Variants in SLC25A42 observed in about 807,000 individuals in gnomAD.
SLC25A42 encodes the protein mitochondrial coenzyme A transporter SLC25A42.
In SLC25A42, 19 loss-of-function variants were observed where a neutral mutation model predicts 34.7. That is an observed-to-expected ratio of 0.55 (90% CI 0.38 to 0.80). The LOEUF (loss-of-function observed/expected upper bound fraction) is 0.80. Among genes scored for constraint, SLC25A42 ranks in the 30% least tolerant of loss-of-function variants. The pLI is 0.00. For synonymous variants in SLC25A42, 205 were observed against 191.2 expected (o/e 1.07, Z -0.59); for missense variants, 364 against 441.3 (o/e 0.82, Z 1.57).
rs139435874 is a variant in SLC25A42, at chr19:19,090,647, AAACAACAACAAC to A, written c.-34-5426_-34-5415del. On this transcript the variant is annotated intron_variant, in intron 1 of 7. Coordinates refer to ENST00000318596, the MANE Select transcript of SLC25A42 (RefSeq NM_178526.5). Reference sequence around the variant, plus strand: ...CCAGCCTGGGTGAGACCCCGTCTCAAAACAACAACAACAACAACAACAACAACAAAAAGCTTC... The same window carrying A: ...CCAGCCTGGGTGAGACCCCGTCTCAAAACAACAACAACAACAAAAAGCTTC... Among the ~76,000 whole-genome samples, 472 of 151,846 alleles carry A rather than the reference AAACAACAACAAC, an allele frequency of 3.1e-3. 1 individual carries two copies. The highest frequency in any genetic ancestry group is 0.01 in the African/African-American group (433 of 41,370).
intron 1 of SLC25A42, among the ~76,000 whole-genome samples, chr19:19,066,941 A>G (rs1024700028): frequency 4.6e-5 from 7 of 151,260 alleles, no homozygotes; most frequent in Non-Finnish European, 1.0e-4. Flanking sequence ...TGCTTGAACC[A>G]AGGAGTTCAA....
intron 1 of SLC25A42, among the ~76,000 whole-genome samples, chr19:19,092,128 C>G (rs1451918485): frequency 6.6e-6 from 1 of 152,248 alleles, no homozygotes; most frequent in Non-Finnish European, 1.5e-5. Context: ...ACCCTCCCCA[C>G]TGTGTCTGTG....
At chr19:19,073,192 C>A (rs2059639223) in intron 1 of SLC25A42, among the ~76,000 whole-genome samples, 2 of 152,192 alleles carry the variant, frequency 1.3e-5, no homozygotes, top group South Asian at 4.1e-4. Context: ...CAGCAACAGG[C>A]AAAAGCACCT....
intron 1 of SLC25A42, among the ~76,000 whole-genome samples, chr19:19,067,407 C>T (rs2145894359): frequency 6.6e-6 from 1 of 151,974 alleles, no homozygotes; most frequent in Non-Finnish European, 1.5e-5. Flanking sequence ...CATGGTGAAA[C>T]CCTATCTCTA....
Position 19,111,132 on chromosome 19 carries a change from G to A in SLC25A42, c.*256G>A, listed in dbSNP as rs560649037. 10 of 545,152 alleles carry A rather than the reference G, an allele frequency of 1.8e-5. No homozygotes were observed. Among genetic ancestry groups the A allele is most frequent in the African/African-American group, 1.7e-4 (9 of 51,552 alleles). 33.8% of individuals were successfully genotyped at this position (545,152 alleles called of 1,614,324 possible). A position where few individuals can be genotyped will look rare whatever the true frequency, so the allele number is the denominator to read the frequency against. ...TCTTCCTTCCTCTGCAGACGCTGGC[G>A]CTGTCTGCCGGAGGTGTTGCCCAAA... is the stretch of plus-strand genomic sequence containing the variant. On this transcript the variant is annotated 3_prime_UTR_variant, in exon 8 of 8. Transcript: ENST00000318596.
intron 2 of SLC25A42, among the ~76,000 whole-genome samples, chr19:19,097,134 C>T (rs779322709): frequency 9.3e-4 from 142 of 152,204 alleles, no homozygotes; most frequent in Middle Eastern, 3.2e-3. Flanking sequence ...CTCAGCTGAA[C>T]CTGAAACACA....
chr19:19,087,821 G>C (rs1407473400), intron 1 of SLC25A42, among the ~76,000 whole-genome samples: 1 of 152,262 alleles, frequency 6.6e-6, no homozygotes, highest in African/African-American at 2.4e-5. Context: ...GCAGGCAGGG[G>C]AGAGGGAGAG....
chr19:19,093,992 GT>G (rs2059751559), intron 1 of SLC25A42, among the ~76,000 whole-genome samples: 1 of 152,192 alleles, frequency 6.6e-6, no homozygotes, highest in African/African-American at 2.4e-5. Flanking sequence ...TTTTCTCACG[GT>G]CAGATGGGGT....
Position 19,106,339 on chromosome 19 carries a change from C to G in SLC25A42, c.451C>G (p.Pro151Ala). The change falls in exon 6 of 8, where the codon CCC (proline) becomes GCC (alanine). Residue 151 changes from proline to alanine, a missense_variant. Transcript: ENST00000318596. ...AGTTAASLTY[P>A]LDLVRARMAV... is the part of the protein sequence containing the mutation. ...AACGACAGCCGCTTCACTGACCTACCCCCTGGACCTGGTCAGAGCGCGGAT... is the reference window on the plus strand; with the variant it reads ...AACGACAGCCGCTTCACTGACCTACGCCCTGGACCTGGTCAGAGCGCGGAT... The G allele has an allele frequency of 6.2e-7, 1 of 1,613,808 alleles. No homozygotes were observed. The highest frequency in any genetic ancestry group is 1.1e-5 in the South Asian group (1 of 91,056).
intron 1 of SLC25A42, among the ~76,000 whole-genome samples, chr19:19,068,046 T>C (rs1234787920): frequency 2.6e-5 from 4 of 152,186 alleles, no homozygotes; most frequent in Non-Finnish European, 5.9e-5. Flanking sequence ...ATTTTAAACA[T>C]GAAATACTTC....
intron 1 of SLC25A42, among the ~76,000 whole-genome samples, chr19:19,066,842 C>G (rs1469923645): frequency 3.3e-5 from 5 of 152,090 alleles, no homozygotes. Context: ...CGTATTTGGG[C>G]TCCAGCCGTG....
intron 1 of SLC25A42, among the ~76,000 whole-genome samples, chr19:19,089,737 C>T (rs1014457826): frequency 1.3e-5 from 2 of 151,196 alleles, no homozygotes; most frequent in African/African-American, 4.9e-5. Flanking sequence ...CGCATGGCAG[C>T]ACACGCCTGT....
At chr19:19,105,208 T>C in intron 4 of SLC25A42, 2 of 575,688 alleles carry the variant, frequency 3.5e-6, no homozygotes, top group Admixed American at 6.0e-5. Context: ...GGTGCTACTT[T>C]CTTAATAAAG....
chr19:19,068,530 G>A (rs1389561940), intron 1 of SLC25A42, among the ~76,000 whole-genome samples: 2 of 151,568 alleles, frequency 1.3e-5, no homozygotes, highest in Non-Finnish European at 2.9e-5. Flanking sequence ...AGCCGGGCAT[G>A]TTGGTGGGCG....
chr19:19,083,433 T>TAA (rs1359570837), intron 1 of SLC25A42, among the ~76,000 whole-genome samples: 1 of 152,240 alleles, frequency 6.6e-6, no homozygotes, highest in Non-Finnish European at 1.5e-5. Flanking sequence ...TTATTGAGTC[T>TAA]AACGCAGCCC....
chr19:19,106,149 G>T, intron 5 of SLC25A42, 120 bp from the exon 6 acceptor site: 1 of 819,610 alleles, frequency 1.2e-6, no homozygotes, highest in Non-Finnish European at 1.9e-6. Flanking sequence ...CCCGCCTCGT[G>T]TTCCTCGGTC....
chr19:19,067,958 G>A (rs2059610724), intron 1 of SLC25A42, among the ~76,000 whole-genome samples: 1 of 152,144 alleles, frequency 6.6e-6, no homozygotes, highest in Non-Finnish European at 1.5e-5. Flanking sequence ...ATTAAGAGGG[G>A]ATTATTGAGA....
intron 1 of SLC25A42, among the ~76,000 whole-genome samples, chr19:19,073,578 CTTT>C (rs869183295): frequency 2.9e-5 from 4 of 138,754 alleles, no homozygotes; most frequent in Non-Finnish European, 1.6e-5. Flanking sequence ...GAACATGGGG[CTTT>C]TTTTTTTTTT....
rs1163088198 is a variant in SLC25A42, at chr19:19,111,645, A to C, written c.*769A>C. 1 of 152,412 alleles carries C rather than the reference A, an allele frequency of 6.6e-6. No individual in the cohort carries two copies. The highest frequency in any genetic ancestry group is 1.5e-5 in the Non-Finnish European group (1 of 68,208). 9.4% of individuals were successfully genotyped at this position (152,412 alleles called of 1,614,324 possible). ...CAGGGCTCGAGGCCCAGGCCATGAC[A>C]CGGAACTGCCTCAGGTTTGGGTCAG... is the stretch of plus-strand genomic sequence containing the variant. On this transcript the variant is annotated 3_prime_UTR_variant, in exon 8 of 8. Transcript: ENST00000318596.
Sources: allele counts gnomAD v4.1 joint callset (sites outside exome capture counted in the v4.1 genomes callset), GRCh38; gene constraint gnomAD v4.1.1; transcripts MANE v1.5; gene names NCBI Gene and HGNC (gene_info 2026-07-23, HGNC 2026-07-21).